RPL4: variants seen among roughly 807,000 people sequenced by gnomAD.
The protein encoded by RPL4 is ribosomal protein L4.
RPL4 carries 3 observed loss-of-function variants against 47.7 expected under a neutral mutation model. The ratio of observed to expected loss-of-function variants is 0.06; its 90% CI spans 0.03 to 0.16. The LOEUF is 0.16. Ranked by LOEUF, RPL4 falls within the 10% of genes least tolerant of loss-of-function variation. The pLI is 1.00. For missense variants in RPL4, 413 were observed against 551.3 expected (o/e 0.75, Z 2.51); for synonymous variants, 208 against 182.1 (o/e 1.14, Z -1.15).
At position 66,502,750 on chromosome 15, in the gene RPL4, T is replaced by C. The variant is rs1660128007; in HGVS notation, c.283A>G (p.Met95Val). The C allele has an allele frequency of 6.2e-7, 1 of 1,614,038 alleles. No homozygotes were observed. The highest frequency in any genetic ancestry group is 8.5e-7 in the Non-Finnish European group (1 of 1,180,020). The part of the protein sequence containing the change: ...HRSGQGAFGN[M>V]CRGGRMFAPT... ...GCAAACATTCGGCCTCCACGACACA[T>C]CTATTTTTCCAGTCAAGAATCACAT... The change falls in exon 4 of 10, where the codon ATG (methionine) becomes GTG (valine). Residue 95 changes from methionine to valine, a missense_variant and splice_region_variant. Physicochemically the swap from Met to Val is conservative, Grantham distance 21 (BLOSUM62 1). Coordinates refer to ENST00000307961, the MANE Select transcript of RPL4 (RefSeq NM_000968.4).
intron 1 of RPL4, among the ~76,000 whole-genome samples, chr15:66,504,439 G>C (rs1005037418): frequency 5.3e-5 from 8 of 152,182 alleles, no homozygotes; most frequent in African/African-American, 1.7e-4. Context: ...TTTAGGCGAA[G>C]AGAACCAGAA....
Position 66,501,410 on chromosome 15 carries a change from T to A in RPL4, c.641A>T (p.Asp214Val). The change falls in exon 6 of 10, where the codon GAT becomes GTT. Residue 214 changes from aspartate (D) to valine (V), a missense_variant. Asp to Val is a radical substitution (Grantham distance 152, BLOSUM62 -3). Around this residue, in one of 4 missense-constraint regions of RPL4, gnomAD observed 214 missense variants for 304.2 expected, o/e 0.70. Coordinates refer to ENST00000307961, the MANE Select transcript of RPL4 (RefSeq NM_000968.4). ...RRGPCIIYNE[D>V]NGIIKAFRNI... ...TCTGAAGGCCTTGATGATACCATTA[T>A]CCTCATTATAGATGATGCACGGGCC... The A allele has an allele frequency of 6.2e-7, 1 of 1,614,154 alleles. No homozygotes were observed. The highest frequency in any genetic ancestry group is 8.5e-7 in the Non-Finnish European group (1 of 1,180,032).
At chr15:66,502,334 G>C in intron 4 of RPL4, 1 of 420,510 alleles carries the variant, frequency 2.4e-6, no homozygotes. Flanking sequence ...GGGGCATTTT[G>C]TATCACTGAT....
At chr15:66,501,991 CAAT>C in intron 4 of RPL4, 79 bp from the exon 5 acceptor site, 6 of 1,551,082 alleles carry the variant, frequency 3.9e-6, no homozygotes, top group African/African-American at 2.7e-5. Flanking sequence ...TTTATACAAC[CAAT>C]AAAAGCAAAA....
At chr15:66,501,272 C>T (rs768929941) in intron 6 of RPL4, 103 bp downstream of exon 6, 6 of 1,582,878 alleles carry the variant, frequency 3.8e-6, no homozygotes, top group Non-Finnish European at 5.2e-6. Flanking sequence ...TCCACAAAAT[C>T]ATTTGTTTCA....
intron 1 of RPL4, among the ~76,000 whole-genome samples, chr15:66,504,122 G>T (rs1893693682): frequency 6.6e-6 from 1 of 152,114 alleles, no homozygotes; most frequent in Non-Finnish European, 1.5e-5. Context: ...TCACTCTAAA[G>T]CTCCTCTTTG....
Position 66,504,805 on chromosome 15 carries a change from A to T in RPL4, c.-15T>A, listed in dbSNP as rs776366670. 1.9e-6 allele frequency: 3 copies of T among 1,611,404 alleles called. No individual in the cohort carries two copies. The highest frequency in any genetic ancestry group is 2.5e-6 in the Non-Finnish European group (3 of 1,179,286). On this transcript the variant is annotated 5_prime_UTR_variant, in exon 1 of 10. Coordinates refer to ENST00000307961, the MANE Select transcript of RPL4 (RefSeq NM_000968.4). ...CCACTCACCATGGCGGAGAGAGGAG[A>T]CAGCCACGCTCCTCTCAGCCCGGCT...
At chr15:66,502,794 TACA>T (rs773673393) in intron 3 of RPL4, 44 bp from the exon 4 acceptor site, 88 of 1,613,522 alleles carry the variant, frequency 5.5e-5, no homozygotes, top group Non-Finnish European at 4.9e-5. Flanking sequence ...TTTTAGTAAT[TACA>T]ACAAGGTTAT....
chr15:66,500,996 T>C lies in RPL4; in HGVS notation c.786A>G (p.Glu262=), dbSNP rs143655725. 765 of 1,614,020 alleles carry C rather than the reference T, an allele frequency of 4.7e-4. 4 individuals carry two copies. The African/African-American group carries it at 7.4e-3, about 16-fold the overall frequency. The change falls in exon 7 of 10, where the codon GAA becomes GAG. Residue 262 remains glutamate, a synonymous_variant. Transcript: ENST00000307961. The part of the protein sequence containing the change: ...WTESAFRKLD[E]LYGTWRKAAS... The stretch of plus-strand genomic sequence containing the variant: ...CGGCTTTACGCCAAGTGCCGTACAA[T>C]TCATCTAACTTCCGGAAAGCACTTT...
rs780353785 is a variant in RPL4, at chr15:66,500,369, T to C, written c.841A>G (p.Met281Val). The change falls in exon 8 of 10, where the codon ATG becomes GTG. Residue 281 changes from methionine to valine, a missense_variant. Physicochemically the swap from Met to Val is conservative, Grantham distance 21 (BLOSUM62 1). Transcript: ENST00000307961. ...AGATCTGTATTAATCATCTTGTGCA[T>C]GGGAAGACTGAAAGGGAAAAGATTG... The part of the protein sequence containing the change: ...ASLKSNYNLP[M>V]HKMINTDLSR... 6.2e-7 allele frequency: 1 copy of C among 1,613,868 alleles called. No individual in the cohort carries two copies. Among genetic ancestry groups the C allele is most frequent in the East Asian group, 2.2e-5 (1 of 44,880 alleles).
At chr15:66,500,226 T>C (rs754115611) in intron 8 of RPL4, 50 bp from the exon 9 acceptor site, 11 of 1,613,350 alleles carry the variant, frequency 6.8e-6, no homozygotes, top group African/African-American at 4.0e-5. Flanking sequence ...ATTATACACA[T>C]ACAAATTTTT....
chr15:66,501,362 G>C lies in RPL4; in HGVS notation c.676+13C>G, dbSNP rs1012515376. The C allele has an allele frequency of 2.5e-6, 4 of 1,614,084 alleles. No individual in the cohort carries two copies. The highest frequency in any genetic ancestry group is 3.4e-6 in the Non-Finnish European group (4 of 1,179,986). On this transcript the variant is annotated intron_variant, in intron 6 of 9. Coordinates refer to ENST00000307961, the MANE Select transcript of RPL4 (RefSeq NM_000968.4). ...GAGTATACCTAGTCAATATATGTAA[G>C]CAGTTTAATTACCAGGGATGTTTCT...
chr15:66,501,035 G>A lies in RPL4; in HGVS notation c.747C>T (p.Phe249=). 2 of 1,613,988 alleles carry A rather than the reference G, an allele frequency of 1.2e-6. No individual in the cohort carries two copies. The highest frequency in any genetic ancestry group is 3.3e-5 in the Admixed American group (2 of 60,026). ...GGAAAGCACTTTCAGTCCAAATGCA[G>A]AAACGTCCCACATGCCCACCAGGAG... ...KLAPGGHVGR[F]CIWTESAFRK... The change falls in exon 7 of 10, where the codon TTC becomes TTT. Residue 249 remains phenylalanine, a synonymous_variant. Transcript: ENST00000307961.
Position 66,499,373 on chromosome 15 carries a change from AT to A in RPL4, c.*33del, listed in dbSNP as rs770887588. 6.3e-7 allele frequency: 1 copy of A among 1,581,988 alleles called. No individual in the cohort carries two copies. Among genetic ancestry groups the A allele is most frequent in the South Asian group, 1.2e-5 (1 of 85,012 alleles). On this transcript the variant is annotated 3_prime_UTR_variant, in exon 10 of 10. Transcript: ENST00000307961. Reference sequence around the variant, plus strand: ...TATTCAAAAGAAGCTGTCCAAAATGATTTGACCTTTATGGAATAATCAAATT... The same window carrying A: ...TATTCAAAAGAAGCTGTCCAAAATGATTGACCTTTATGGAATAATCAAATT...
chr15:66,498,395 C>G lies in RPL4; in HGVS notation c.*1012G>C, dbSNP rs1197734423. 6.6e-6 allele frequency: 1 copy of G among 152,220 alleles called. No individual in the cohort carries two copies. Among genetic ancestry groups the G allele is most frequent in the East Asian group, 1.9e-4 (1 of 5,206 alleles). The allele number at this position is 152,220 out of a possible 1,614,324, so 9.4% of individuals were successfully genotyped here. A position where few individuals can be genotyped will look rare whatever the true frequency, so the allele number is the denominator to read the frequency against. ...CTGAGACTGTCTTGACAGTTCGAGA[C>G]TGTCAGAGAGAAGCTGACAGTTTAA... On this transcript the variant is annotated 3_prime_UTR_variant, in exon 10 of 10. Coordinates refer to ENST00000307961, the MANE Select transcript of RPL4 (RefSeq NM_000968.4).
At chr15:66,501,653 C>G (rs1280229385) in intron 5 of RPL4, 135 bp downstream of exon 5, 6 of 1,498,602 alleles carry the variant, frequency 4.0e-6, no homozygotes, top group Non-Finnish European at 5.4e-6. Flanking sequence ...AGGATTCAAA[C>G]CCAAGTAATC....
chr15:66,499,382 T>A lies in RPL4; in HGVS notation c.*25A>T, dbSNP rs771910143. 9 of 1,587,942 alleles carry A rather than the reference T, an allele frequency of 5.7e-6. No homozygotes were observed. In the Admixed American group the frequency reaches 1.7e-4, roughly 30 times the overall value. On this transcript the variant is annotated 3_prime_UTR_variant, in exon 10 of 10. Coordinates refer to ENST00000307961, the MANE Select transcript of RPL4 (RefSeq NM_000968.4). ...GAAGCTGTCCAAAATGATTTGACCT[T>A]TATGGAATAATCAAATTTAAGAGTT...
chr15:66,502,093 A>G (rs779484471), intron 4 of RPL4, 181 bp from the exon 5 acceptor site: 2 of 882,064 alleles, frequency 2.3e-6, no homozygotes, highest in Non-Finnish European at 3.7e-6. Context: ...TCATTTTGAC[A>G]GTTAAATAAA....
rs753307416 is a variant in RPL4 at position 66,501,768 on chromosome 15, A to G, written c.546+20T>C. Reference sequence around the variant, plus strand: ...TGTGAACAAGGAGTACCAAACTGTAAATGTGCTCATTGAACGGACCTTTTT... The same window carrying G: ...TGTGAACAAGGAGTACCAAACTGTAGATGTGCTCATTGAACGGACCTTTTT... On this transcript the variant is annotated intron_variant, in intron 5 of 9. Coordinates refer to ENST00000307961, the MANE Select transcript of RPL4 (RefSeq NM_000968.4). The G allele has an allele frequency of 6.2e-7, 1 of 1,606,602 alleles. No homozygotes were observed. Among genetic ancestry groups the G allele is most frequent in the South Asian group, 1.1e-5 (1 of 89,670 alleles).
Sources: gnomAD v4.1 joint callset for allele counts (sites outside exome capture counted in the v4.1 genomes callset) on GRCh38, gnomAD v4.1.1 for gene constraint, gnomAD v4.1.1 regional missense constraint, MANE v1.5 for transcripts, NCBI Gene and HGNC (gene_info 2026-07-23, HGNC 2026-07-21) for gene names.